Variants in ABLIM2 observed in about 807,000 individuals in gnomAD.
ABLIM2 encodes actin binding LIM protein family member 2.
A neutral mutation model predicts 97.7 loss-of-function variants in ABLIM2; 53 were observed. The ratio of observed to expected loss-of-function variants is 0.54; its 90% CI spans 0.44 to 0.68. ABLIM2 has a LOEUF of 0.68. Ranked by LOEUF, ABLIM2 falls within the 30% of genes least tolerant of loss-of-function variation. ABLIM2 has a pLI of 0.00. For missense variants in ABLIM2, 835 were observed against 867.2 expected, an observed-to-expected ratio of 0.96 and a Z score of 0.47; for synonymous variants, 361 against 345.8, an observed-to-expected ratio of 1.04 and a Z score of -0.49.
In ABLIM2 at chr4:8,072,008, C is replaced by A. The variant is rs1812550434; in HGVS notation, c.675+5620G>T. On this transcript the variant is annotated intron_variant, in intron 6 of 20. Transcript: ENST00000447017. This position sits in a 1 kb window ranked among gnomAD's most constrained non-coding sequence, Gnocchi z 5.8. ...TTCTGCGGAGCCAGGCTTGTCCCCG[C>A]CCGCAGTTCCCACCTTGCACCCGGG... 3 of 985,494 alleles carry A rather than the reference C, an allele frequency of 3.0e-6. No homozygotes were observed. Among genetic ancestry groups the A allele is most frequent in the Non-Finnish European group, 3.6e-6 (3 of 829,998 alleles). The allele number at this position is 985,494 out of a possible 1,614,324, so 61.0% of individuals were successfully genotyped here. A position where few individuals can be genotyped will look rare whatever the true frequency, so the allele number is the denominator to read the frequency against.
rs532273407 is a variant in ABLIM2 at position 8,019,228 on chromosome 4, A to G, written c.1423+390T>C. Among the ~76,000 whole-genome samples the G allele has an allele frequency of 1.4e-4, 21 of 152,346 alleles. No homozygotes were observed. The highest frequency in any genetic ancestry group is 5.1e-4 in the African/African-American group (21 of 41,572). The stretch of plus-strand genomic sequence containing the variant: ...AACGACCGATTCAAGTTTGTTCTAT[A>G]TTCCAAAGATCGGGCCTGGATCAGA... On this transcript the variant is annotated intron_variant, in intron 14 of 20. Transcript: ENST00000447017. This position sits in a 1 kb window ranked among gnomAD's most constrained non-coding sequence, Gnocchi z 4.3.
rs146383001 is a variant in ABLIM2 at position 8,015,066 on chromosome 4, G to A, written c.1423+4552C>T. On this transcript the variant is annotated intron_variant, in intron 14 of 20. Coordinates refer to ENST00000447017, the MANE Select transcript of ABLIM2 (RefSeq NM_001130083.2). This position sits in a 1 kb window ranked among gnomAD's most constrained non-coding sequence, Gnocchi z 4.6. ...CTCCCGAGTAGCTGGGATTACAGGC[G>A]CCGGCCACCACACTTGGCTAATTTT... 6.4e-4 allele frequency among the ~76,000 whole-genome samples: 98 copies of A among 152,134 alleles called. No homozygotes were observed. The highest frequency in any genetic ancestry group is 2.2e-3 in the African/African-American group (91 of 41,504).
Position 8,003,021 on chromosome 4 carries a change from G to C in ABLIM2, c.1618+5038C>G, listed in dbSNP as rs1048796782. On this transcript the variant is annotated intron_variant, in intron 16 of 20. Coordinates refer to ENST00000447017, the MANE Select transcript of ABLIM2 (RefSeq NM_001130083.2). The surrounding 1 kb of genome is among the most constrained non-coding windows in gnomAD (Gnocchi z 4.2). ...TCTCTTTGTCTCCCAGCCCCTAGTA[G>C]AATGTCGGCTCCCCAGACAGGGAAC... Among the ~76,000 whole-genome samples, 2 of 152,152 alleles carry C rather than the reference G, an allele frequency of 1.3e-5. No individual in the cohort carries two copies. The highest frequency in any genetic ancestry group is 4.8e-5 in the African/African-American group (2 of 41,436).
intron 3 of ABLIM2, among the ~76,000 whole-genome samples, chr4:8,093,269 G>A (rs764696045): frequency 7.9e-5 from 12 of 152,222 alleles, no homozygotes; most frequent in Non-Finnish European, 1.8e-4. Flanking sequence ...GTGTGAGGGT[G>A]CAACCTTGAA....
intron 6 of ABLIM2, among the ~76,000 whole-genome samples, chr4:8,062,017 C>T (rs897693682): frequency 6.6e-6 from 1 of 151,750 alleles, no homozygotes; most frequent in African/African-American, 2.4e-5. Flanking sequence ...TGCCAACCTC[C>T]GGGCCAGGTG....
intron 20 of ABLIM2, among the ~76,000 whole-genome samples, chr4:7,967,432 T>G (rs893820003): frequency 6.6e-6 from 1 of 152,160 alleles, no homozygotes; most frequent in Non-Finnish European, 1.5e-5. Context: ...TGCGTGCAAA[T>G]GTCTGAGCTT....
rs1035725750 is a variant in ABLIM2, at chr4:8,147,694, C to A, written c.10+10986G>T. Among the ~76,000 whole-genome samples the A allele has an allele frequency of 6.6e-6, 1 of 152,206 alleles. No homozygotes were observed. The highest frequency in any genetic ancestry group is 2.4e-5 in the African/African-American group (1 of 41,446). ...GCCACCAAAGCTGCAGGGGTGAGGA[C>A]TGAGCCTCCCCTGAGCCCCCGAGGG... On this transcript the variant is annotated intron_variant, in intron 1 of 20. Coordinates refer to ENST00000447017, the MANE Select transcript of ABLIM2 (RefSeq NM_001130083.2). The surrounding 1 kb of genome is among the most constrained non-coding windows in gnomAD (Gnocchi z 5.3).
At chr4:8,126,786 GCCGGGCGTGTGGCTCACA>G (rs1315974042) in intron 1 of ABLIM2, among the ~76,000 whole-genome samples, 1 of 151,994 alleles carries the variant, frequency 6.6e-6, no homozygotes, top group East Asian at 1.9e-4. Context: ...TCTCCAGATG[GCCGGGCGTGTGGCTCACA>G]CCTGTAATCC....
intron 20 of ABLIM2, among the ~76,000 whole-genome samples, chr4:7,974,438 C>CCAGTCCAT (rs1560338388): frequency 2.7e-5 from 3 of 109,834 alleles, no homozygotes; most frequent in African/African-American, 1.0e-4. Flanking sequence ...CACCCTTCCA[C>CCAGTCCAT]CCACCCACCC....
In ABLIM2 at chr4:8,147,537, G is replaced by C. The variant is rs907540799; in HGVS notation, c.10+11143C>G. Among the ~76,000 whole-genome samples, 1 of 152,194 alleles carries C rather than the reference G, an allele frequency of 6.6e-6. No individual in the cohort carries two copies. The highest frequency in any genetic ancestry group is 2.4e-5 in the African/African-American group (1 of 41,450). ...GCGGGCTCTGAGTGCAATCTCAAGA[G>C]TCCTTATGGGGAGGAGGGAGCGGGA... On this transcript the variant is annotated intron_variant, in intron 1 of 20. Coordinates refer to ENST00000447017, the MANE Select transcript of ABLIM2 (RefSeq NM_001130083.2). This position sits in a 1 kb window ranked among gnomAD's most constrained non-coding sequence, Gnocchi z 5.3.
intron 16 of ABLIM2, among the ~76,000 whole-genome samples, chr4:7,997,993 T>G (rs1754528622): frequency 6.6e-6 from 1 of 152,016 alleles, no homozygotes; most frequent in Non-Finnish European, 1.5e-5. Context: ...GTGACTCTCC[T>G]GCCTCACCCT....
At position 7,992,810 on chromosome 4, in the gene ABLIM2, G is replaced by A; in HGVS notation, c.1680+56C>T. On this transcript the variant is annotated intron_variant, in intron 17 of 20. Transcript: ENST00000447017. This position sits in a 1 kb window ranked among gnomAD's most constrained non-coding sequence, Gnocchi z 5.7. ...GTGGTCAAGAAGCTGTGGGAAACGT[G>A]CTCAGCCTCACAGCAATCGTTAGTA... is the stretch of plus-strand genomic sequence containing the variant. 1 of 1,571,582 alleles carries A rather than the reference G, an allele frequency of 6.4e-7. No individual in the cohort carries two copies. The highest frequency in any genetic ancestry group is 8.7e-7 in the Non-Finnish European group (1 of 1,148,834).
At chr4:8,134,503 C>T (rs988636430) in intron 1 of ABLIM2, among the ~76,000 whole-genome samples, 7 of 152,218 alleles carry the variant, frequency 4.6e-5, no homozygotes, top group African/African-American at 1.4e-4. Context: ...AAACCAATAG[C>T]GATCCATCTC....
Position 8,029,606 on chromosome 4 carries a change from A to AAC in ABLIM2, c.1168+49_1168+50insGT. On this transcript the variant is annotated intron_variant, in intron 11 of 20. Transcript: ENST00000447017. The stretch of plus-strand genomic sequence containing the variant: ...AAAACTAAAAAAAAAAAAAAAAAAA[A>AAC]GGAAAAGGACAGCATCCTGGGGGCT... 3 of 1,317,618 alleles carry AAC rather than the reference A, an allele frequency of 2.3e-6. No homozygotes were observed. In the East Asian group the frequency reaches 9.0e-5, roughly 39 times the overall value. The allele number at this position is 1,317,618 out of a possible 1,614,324, so 81.6% of individuals were successfully genotyped here.
chr4:8,088,542 GTGAGGACCAGC>G (rs1450661752), intron 3 of ABLIM2, among the ~76,000 whole-genome samples: 1 of 152,236 alleles, frequency 6.6e-6, no homozygotes, highest in Non-Finnish European at 1.5e-5. Flanking sequence ...TAAGGTGGTG[GTGAGGACCAGC>G]TGAGGGCCAG....
rs115831779 is a variant in ABLIM2, at chr4:8,115,652, C to T, written c.11-9015G>A. Among the ~76,000 whole-genome samples the T allele has an allele frequency of 5.1e-3, 783 of 152,334 alleles. 2 individuals carry two copies. Among genetic ancestry groups the T allele is most frequent in the Middle Eastern group, 0.017 (5 of 294 alleles). ...GGGCTGTCTGAGCAAAGCCCTGTGG[C>T]ATGCTGCATCTTCAAAGGTGACGAT... On this transcript the variant is annotated intron_variant, in intron 1 of 20. Coordinates refer to ENST00000447017, the MANE Select transcript of ABLIM2 (RefSeq NM_001130083.2).
chr4:8,041,372 CAAG>C (rs1560877909), intron 9 of ABLIM2: 1 of 152,236 alleles, frequency 6.6e-6, no homozygotes, highest in Non-Finnish European at 1.5e-5. Context: ...CTGCCTGATG[CAAG>C]AAGAAAGGAG....
intron 9 of ABLIM2, among the ~76,000 whole-genome samples, chr4:8,040,336 C>T (rs1289997953): frequency 2.0e-5 from 3 of 152,132 alleles, no homozygotes; most frequent in South Asian, 2.1e-4. Flanking sequence ...GGTGGCCAGG[C>T]GCAGTGGCTC....
rs1711726438 is a variant in ABLIM2, at chr4:8,149,241, C to T, written c.10+9439G>A. ...TCCCGTTAGCGAGAAGCCTCAGGCC[C>T]CCTGAAATCCAGAGCAGTCTCCCTG... On this transcript the variant is annotated intron_variant, in intron 1 of 20. Coordinates refer to ENST00000447017, the MANE Select transcript of ABLIM2 (RefSeq NM_001130083.2). This position sits in a 1 kb window ranked among gnomAD's most constrained non-coding sequence, Gnocchi z 6.4. 6.6e-6 allele frequency among the ~76,000 whole-genome samples: 1 copy of T among 152,184 alleles called. No individual in the cohort carries two copies. Among genetic ancestry groups the T allele is most frequent in the Admixed American group, 6.5e-5 (1 of 15,274 alleles).
Sources: gnomAD v4.1 joint callset for allele counts (sites outside exome capture counted in the v4.1 genomes callset) on GRCh38, gnomAD v4.1.1 for gene constraint, Gnocchi (gnomAD v3.1) non-coding constraint, MANE v1.5 for transcripts, NCBI Gene and HGNC (gene_info 2026-07-23, HGNC 2026-07-21) for gene names.